The following STARD13 variants were observed in gnomAD, a reference collection of about 807,000 sequenced individuals.
The protein encoded by STARD13 is StAR related lipid transfer domain containing 13.
A neutral mutation model predicts 106.4 loss-of-function variants in STARD13; 62 were observed. That is an observed-to-expected ratio of 0.58 (90% CI 0.48 to 0.72). The LOEUF (loss-of-function observed/expected upper bound fraction) is 0.72, where lower values mean the gene tolerates loss of function less well. STARD13 is among the 30% of genes least tolerant of loss of function. The pLI is 0.00. For synonymous variants in STARD13, 565 were observed against 553.0 expected, an observed-to-expected ratio of 1.02 and a Z score of -0.31; for missense variants, 1,387 against 1,424.0, an observed-to-expected ratio of 0.97 and a Z score of 0.42.
At chr13:33,529,865 G>C in the STARD13 span, among the ~76,000 whole-genome samples, 11 of 152,096 alleles carry the variant, frequency 7.2e-5, no homozygotes, top group East Asian at 1.2e-3. Context: ...TGATGCCTAG[G>C]GGGTACCGGT....
intron 1 of STARD13, among the ~76,000 whole-genome samples, chr13:33,299,601 T>G (rs1459498384): frequency 6.6e-6 from 1 of 152,228 alleles, no homozygotes; most frequent in Non-Finnish European, 1.5e-5. Context: ...GGGAGGTCCC[T>G]TGAGGTCCTG....
chr13:33,358,038 C>T, the STARD13 span, among the ~76,000 whole-genome samples: 30 of 152,244 alleles, frequency 2.0e-4, no homozygotes, highest in African/African-American at 5.1e-4. Context: ...GCTGGAGTTC[C>T]GGGTGGGCGT....
At chr13:33,545,838 C>T in the STARD13 span, among the ~76,000 whole-genome samples, 8 of 152,206 alleles carry the variant, frequency 5.3e-5, no homozygotes, top group Non-Finnish European at 1.2e-4. Flanking sequence ...GCCTGAGGCC[C>T]TCACCAGAAA....
chr13:33,670,903 A>G, the STARD13 span, among the ~76,000 whole-genome samples: 3 of 152,226 alleles, frequency 2.0e-5, no homozygotes, highest in African/African-American at 7.2e-5. Flanking sequence ...TATTTTGTCT[A>G]TTGCATTTCC....
At chr13:33,201,060 CAAATAA>C (rs948462052) in intron 1 of STARD13, among the ~76,000 whole-genome samples, 1 of 149,492 alleles carries the variant, frequency 6.7e-6, no homozygotes, top group Non-Finnish European at 1.5e-5. Flanking sequence ...AATAAATAAA[CAAATAA>C]AAATAAAAAT....
chr13:33,589,108 A>G, the STARD13 span, among the ~76,000 whole-genome samples: 1 of 152,168 alleles, frequency 6.6e-6, no homozygotes, highest in Non-Finnish European at 1.5e-5. Flanking sequence ...GTATTCTCTG[A>G]TGGTAGTTTG....
At chr13:33,305,234 T>G (rs1892861849) in intron 1 of STARD13, among the ~76,000 whole-genome samples, 2 of 152,190 alleles carry the variant, frequency 1.3e-5, no homozygotes, top group Admixed American at 1.3e-4. Flanking sequence ...GTAGGTACAT[T>G]TCTTCATTCC....
the STARD13 span, among the ~76,000 whole-genome samples, chr13:33,617,236 G>A: frequency 6.6e-5 from 10 of 152,258 alleles, no homozygotes; most frequent in South Asian, 2.1e-3. Flanking sequence ...AGGTGGTTGT[G>A]ATGACTAAAC....
intron 1 of STARD13, among the ~76,000 whole-genome samples, chr13:33,340,740 A>C (rs2077950900): frequency 6.6e-6 from 1 of 152,258 alleles, no homozygotes; most frequent in Non-Finnish European, 1.5e-5. Flanking sequence ...CTGAGAGTGT[A>C]AGATGTCTTG....
the STARD13 span, among the ~76,000 whole-genome samples, chr13:33,586,658 A>G: frequency 6.6e-6 from 1 of 152,150 alleles, no homozygotes; most frequent in Non-Finnish European, 1.5e-5. Context: ...AGGACCAGTG[A>G]TCTGATCTTT....
chr13:33,571,819 A>G, the STARD13 span, among the ~76,000 whole-genome samples: 1 of 152,100 alleles, frequency 6.6e-6, no homozygotes, highest in Non-Finnish European at 1.5e-5. Flanking sequence ...TATGAAGTGG[A>G]GAATATTTAA....
chr13:33,458,657 T>A, the STARD13 span, among the ~76,000 whole-genome samples: 3 of 152,070 alleles, frequency 2.0e-5, no homozygotes, highest in South Asian at 6.2e-4. Context: ...AATCCAGCAA[T>A]TCCTGTTGGG....
the STARD13 span, among the ~76,000 whole-genome samples, chr13:33,647,604 T>C: frequency 6.6e-6 from 1 of 152,240 alleles, no homozygotes; most frequent in African/African-American, 2.4e-5. Flanking sequence ...GACAGTCCCA[T>C]TAGTTGGAAA....
At chr13:33,429,935 G>T in the STARD13 span, among the ~76,000 whole-genome samples, 3 of 149,796 alleles carry the variant, frequency 2.0e-5, no homozygotes, top group African/African-American at 5.0e-5. Context: ...TTTGGGGGGG[G>T]GGGACGGAGT....
intron 1 of STARD13, among the ~76,000 whole-genome samples, chr13:33,284,361 A>G (rs974718752): frequency 2.6e-5 from 4 of 152,236 alleles, no homozygotes; most frequent in African/African-American, 9.6e-5. Flanking sequence ...TTTCATGATT[A>G]CAAACCCCAA....
chr13:33,130,471 A>T lies in STARD13; in HGVS notation c.388-182T>A, dbSNP rs950510401. On this transcript the variant is annotated intron_variant, in intron 4 of 13. Transcript: ENST00000336934. This position sits in a 1 kb window ranked among gnomAD's most constrained non-coding sequence, Gnocchi z 4.1. ...CTACCACTTGCACTGTCTTGTACATACCCTTCCTCCCAGTGGCCAGAGGAC... is the reference window on the plus strand; with the variant it reads ...CTACCACTTGCACTGTCTTGTACATTCCCTTCCTCCCAGTGGCCAGAGGAC... Among the ~76,000 whole-genome samples the T allele has an allele frequency of 6.6e-6, 1 of 152,014 alleles. No homozygotes were observed.
At chr13:33,349,996 C>T (rs1008019549) in intron 1 of STARD13, among the ~76,000 whole-genome samples, 6 of 152,052 alleles carry the variant, frequency 3.9e-5, no homozygotes, top group African/African-American at 1.4e-4. Flanking sequence ...GCTAAAAGGC[C>T]GCCCGGGGGC....
At chr13:33,429,301 A>G in the STARD13 span, among the ~76,000 whole-genome samples, 2 of 152,220 alleles carry the variant, frequency 1.3e-5, no homozygotes, top group Non-Finnish European at 2.9e-5. Context: ...TGGAGTAAAG[A>G]AAATGTGGTA....
At chr13:33,431,293 T>G in the STARD13 span, among the ~76,000 whole-genome samples, 1 of 152,172 alleles carries the variant, frequency 6.6e-6, no homozygotes. Context: ...CCCCAGATTT[T>G]TAATACCTAT....
Sources: gnomAD v4.1 joint callset for allele counts (sites outside exome capture counted in the v4.1 genomes callset) on GRCh38, gnomAD v4.1.1 for gene constraint, Gnocchi (gnomAD v3.1) non-coding constraint, MANE v1.5 for transcripts, NCBI Gene and HGNC (gene_info 2026-07-23, HGNC 2026-07-21) for gene names.